The following ROBO2 variants were observed in gnomAD, a reference collection of about 807,000 sequenced individuals.
ROBO2 encodes roundabout homolog 2.
In ROBO2, 53 loss-of-function variants were observed where a neutral mutation model predicts 160.8. The ratio of observed to expected loss-of-function variants is 0.33; its 90% CI spans 0.26 to 0.41. The LOEUF (loss-of-function observed/expected upper bound fraction) is 0.41, where lower values mean the gene tolerates loss of function less well. ROBO2 is among the 10% of genes least tolerant of loss of function. ROBO2 has a pLI of 1.00. For synonymous variants in ROBO2, 664 were observed against 611.7 expected (o/e 1.09, Z -1.26); for missense variants, 1,577 against 1,722.4 (o/e 0.92, Z 1.49).
chr3:77,017,810 G>C (rs1473645002), intron 2 of ROBO2, among the ~76,000 whole-genome samples: 1 of 151,834 alleles, frequency 6.6e-6, no homozygotes, highest in African/African-American at 2.4e-5. Context: ...GCATAAGGTT[G>C]CATCATCTAA....
At chr3:76,611,235 A>C (rs1432560562) in intron 2 of ROBO2, among the ~76,000 whole-genome samples, 1 of 152,084 alleles carries the variant, frequency 6.6e-6, no homozygotes, top group East Asian at 1.9e-4. Context: ...CTTTTGCTTG[A>C]AGGTCAGATT....
At chr3:76,749,811 G>T (rs1280228221) in intron 2 of ROBO2, among the ~76,000 whole-genome samples, 1 of 151,672 alleles carries the variant, frequency 6.6e-6, no homozygotes, top group Non-Finnish European at 1.5e-5. Context: ...TCAGGTTTAA[G>T]ATGGCACAAC....
chr3:77,565,848 T>G (rs1346462324), intron 12 of ROBO2, among the ~76,000 whole-genome samples: 1 of 152,090 alleles, frequency 6.6e-6, no homozygotes, highest in African/African-American at 2.4e-5. Flanking sequence ...TTTCATAATT[T>G]TATCCTTATT....
chr3:76,042,817 C>T (rs2067313959), intron 2 of ROBO2, among the ~76,000 whole-genome samples: 1 of 152,090 alleles, frequency 6.6e-6, no homozygotes, highest in Admixed American at 6.5e-5. Flanking sequence ...ACCACCGGTG[C>T]ATGCAGCCCC....
At chr3:76,495,278 A>G (rs2080086966) in intron 2 of ROBO2, among the ~76,000 whole-genome samples, 1 of 149,944 alleles carries the variant, frequency 6.7e-6, no homozygotes, top group African/African-American at 2.5e-5. Context: ...ATAGCCCTCC[A>G]ACTGCCCTAG....
chr3:76,925,359 T>A (rs2076930195), intron 2 of ROBO2, among the ~76,000 whole-genome samples: 1 of 152,192 alleles, frequency 6.6e-6, no homozygotes, highest in South Asian at 2.1e-4. Context: ...TGCCTAGTAA[T>A]GGCCTGTTGT....
chr3:77,329,891 A>T (rs1432390596), intron 2 of ROBO2, among the ~76,000 whole-genome samples: 1 of 152,158 alleles, frequency 6.6e-6, no homozygotes, highest in Non-Finnish European at 1.5e-5. Context: ...TTTGGCACAG[A>T]TTATCTCATT....
chr3:77,208,649 A>G (rs940779977), intron 2 of ROBO2, among the ~76,000 whole-genome samples: 1 of 152,210 alleles, frequency 6.6e-6, no homozygotes, highest in African/African-American at 2.4e-5. Context: ...AATCAGTCTC[A>G]TATGTGTTTG....
chr3:77,213,557 GT>G (rs1365956907), intron 2 of ROBO2, among the ~76,000 whole-genome samples: 1 of 152,010 alleles, frequency 6.6e-6, no homozygotes, highest in Non-Finnish European at 1.5e-5. Flanking sequence ...TTTTTGAAGG[GT>G]TTTTTGTGTC....
chr3:76,095,067 A>G lies in ROBO2; in HGVS notation c.109+157465A>G, dbSNP rs73842983. 8.0e-3 allele frequency among the ~76,000 whole-genome samples: 1,215 copies of G among 152,292 alleles called. 7 individuals are homozygous for G. The highest frequency in any genetic ancestry group is 0.027 in the African/African-American group (1,126 of 41,572). On this transcript the variant is annotated intron_variant, in intron 2 of 26. Coordinates refer to the ROBO2 transcript ENST00000487694. ...GAATTAAATTGTAGGAAAAAGCGAT[A>G]TGGAAGACACACTAAAAAAGCTCTC...
At chr3:76,256,351 C>CACA (rs1559690080) in intron 2 of ROBO2, among the ~76,000 whole-genome samples, 1,786 of 84,134 alleles carry the variant, frequency 0.021, 9 homozygotes, top group Non-Finnish European at 0.031. Context: ...CTCTCTCTCT[C>CACA]TCACATACAC....
intron 2 of ROBO2, among the ~76,000 whole-genome samples, chr3:76,955,888 CAAAA>C (rs35674535): frequency 8.1e-6 from 1 of 124,056 alleles, no homozygotes. Flanking sequence ...GAGACTCCGT[CAAAA>C]AAAAAAAAAA....
At chr3:77,438,222 T>C (rs1473885619) in intron 2 of ROBO2, among the ~76,000 whole-genome samples, 1 of 150,904 alleles carries the variant, frequency 6.6e-6, no homozygotes, top group Non-Finnish European at 1.5e-5. Flanking sequence ...CATAGATAGA[T>C]AGATTGATTG....
At chr3:76,041,709 T>C (rs1011419531) in intron 2 of ROBO2, among the ~76,000 whole-genome samples, 1 of 152,014 alleles carries the variant, frequency 6.6e-6, no homozygotes, top group African/African-American at 2.4e-5. Flanking sequence ...ATATCTCTTA[T>C]AGCTTTATCT....
intron 2 of ROBO2, among the ~76,000 whole-genome samples, chr3:76,445,804 A>G (rs1290075099): frequency 2.0e-5 from 3 of 152,168 alleles, no homozygotes; most frequent in African/African-American, 7.2e-5. Context: ...AATTATCTCA[A>G]CAGATGAAGA....
chr3:77,012,870 T>C (rs1352788911), intron 2 of ROBO2, among the ~76,000 whole-genome samples: 1 of 152,192 alleles, frequency 6.6e-6, no homozygotes, highest in Non-Finnish European at 1.5e-5. Context: ...CTCAGTCCAA[T>C]TATATTTCCC....
rs1158996118 is a variant in ROBO2, at chr3:77,632,473, G to A, written c.3761-2397G>A. On this transcript the variant is annotated intron_variant, in intron 23 of 25. Transcript: ENST00000461745. ...CACTAGACAACTACATTTGTTTTTAGGTTCAATGGTAAATGGATGGGGCTC... is the reference window on the plus strand; with the variant it reads ...CACTAGACAACTACATTTGTTTTTAAGTTCAATGGTAAATGGATGGGGCTC... The A allele has an allele frequency of 2.8e-5, 42 of 1,526,462 alleles. No individual in the cohort carries two copies. In the Admixed American group the frequency reaches 4.4e-4, roughly 16 times the overall value. The allele number at this position is 1,526,462 out of a possible 1,614,324, so 94.6% of individuals were successfully genotyped here. A position where few individuals can be genotyped will look rare whatever the true frequency, so the allele number is the denominator to read the frequency against.
At chr3:76,336,406 A>T (rs1038293650) in intron 2 of ROBO2, among the ~76,000 whole-genome samples, 1 of 152,216 alleles carries the variant, frequency 6.6e-6, no homozygotes, top group African/African-American at 2.4e-5. Context: ...ATAAAGGAAT[A>T]AGAAAATGGG....
intron 2 of ROBO2, among the ~76,000 whole-genome samples, chr3:76,163,643 T>C (rs550878336): frequency 6.6e-6 from 1 of 151,936 alleles, no homozygotes; most frequent in East Asian, 1.9e-4. Flanking sequence ...ATAAAGCGAA[T>C]CACAAGAAAT....
Sources: allele counts gnomAD v4.1 joint callset (sites outside exome capture counted in the v4.1 genomes callset), GRCh38; gene constraint gnomAD v4.1.1; transcripts MANE v1.5; gene names NCBI Gene and HGNC (gene_info 2026-07-23, HGNC 2026-07-21).